Variants in GTF2A1L observed in about 807,000 individuals in gnomAD.
The protein encoded by GTF2A1L is general transcription factor IIA subunit 1 like.
In GTF2A1L, 48 loss-of-function variants were observed where a neutral mutation model predicts 49.7. The ratio of observed to expected loss-of-function variants is 0.97; its 90% CI spans 0.77 to 1.23. The LOEUF (loss-of-function observed/expected upper bound fraction) is 1.23. GTF2A1L is among the 50% of genes most tolerant of loss of function. The pLI, the probability that GTF2A1L is intolerant of heterozygous loss-of-function variation, is 0.00. For synonymous variants in GTF2A1L, 246 were observed against 193.5 expected, an observed-to-expected ratio of 1.27 and a Z score of -2.25; for missense variants, 736 against 564.8, an observed-to-expected ratio of 1.30 and a Z score of -3.07.
intron 8 of GTF2A1L, among the ~76,000 whole-genome samples, chr2:48,675,836 T>G (rs1363294874): frequency 6.6e-6 from 1 of 151,730 alleles, no homozygotes; most frequent in Non-Finnish European, 1.5e-5. Context: ...CAGAGAGAGA[T>G]ATGTATATAT....
intron 6 of GTF2A1L, among the ~76,000 whole-genome samples, chr2:48,655,532 T>G (rs1678121814): frequency 6.6e-6 from 1 of 152,038 alleles, no homozygotes. Flanking sequence ...ACTGAAAATT[T>G]CTAAGGCATT....
intron 6 of GTF2A1L, among the ~76,000 whole-genome samples, chr2:48,654,974 AT>A (rs1286363530): frequency 6.6e-6 from 1 of 152,198 alleles, no homozygotes; most frequent in Non-Finnish European, 1.5e-5. Context: ...TGTTTGGGCT[AT>A]TCTAATTCCT....
intron 6 of GTF2A1L, among the ~76,000 whole-genome samples, chr2:48,652,965 C>A (rs952733717): frequency 2.6e-5 from 4 of 151,832 alleles, no homozygotes; most frequent in Non-Finnish European, 5.9e-5. Flanking sequence ...CACGGTGGCT[C>A]ACGCCTGTAA....
At chr2:48,625,662 A>G (rs1233053469) in intron 3 of GTF2A1L, among the ~76,000 whole-genome samples, 1 of 143,076 alleles carries the variant, frequency 7.0e-6, no homozygotes, top group Non-Finnish European at 1.6e-5. Context: ...AGGTCACTGT[A>G]GCCTTGACTT....
In GTF2A1L at chr2:48,617,864, G is replaced by T. The variant is rs1484245971; in HGVS notation, c.-11G>T. The T allele has an allele frequency of 6.4e-7, 1 of 1,551,810 alleles. No individual in the cohort carries two copies. The highest frequency in any genetic ancestry group is 8.7e-7 in the Non-Finnish European group (1 of 1,147,026). On this transcript the variant is annotated 5_prime_UTR_variant, in exon 1 of 9. Transcript: ENST00000403751. ...CGCAGGCGCAAAGGGCCAGGTGCTGGAGGTGCTGTCATGGCCTGCCTCAAC... is the reference window on the plus strand; with the variant it reads ...CGCAGGCGCAAAGGGCCAGGTGCTGTAGGTGCTGTCATGGCCTGCCTCAAC...
chr2:48,640,724 A>T (rs1429170468), intron 3 of GTF2A1L, among the ~76,000 whole-genome samples: 3 of 152,210 alleles, frequency 2.0e-5, no homozygotes, highest in Non-Finnish European at 2.9e-5. Flanking sequence ...TCTAGAACAT[A>T]CACATGAAGA....
At position 48,646,929 on chromosome 2, in the gene GTF2A1L, C is replaced by T. The variant is rs753951317; in HGVS notation, c.865C>T (p.Gln289Ter). Residue 289 changes from glutamine to a stop codon, truncating the protein, a stop_gained, in exon 6 of 9, where the codon CAG (glutamine) becomes TAG (stop). Transcript: ENST00000403751. LOFTEE classifies it high-confidence loss of function. Reference protein sequence around the residue: ...LSTSPHGALHQHVTDIQLHIL... With the variant: ...LSTSPHGALH Reference sequence around the variant, plus strand: ...CACAAGCCCTCATGGGGCTCTCCACCAGCACGTGACTGATATTCAGCTTCA... The same window carrying T: ...CACAAGCCCTCATGGGGCTCTCCACTAGCACGTGACTGATATTCAGCTTCA... 29 of 1,614,146 alleles carry T rather than the reference C, an allele frequency of 1.8e-5. 1 individual carries two copies. The East Asian group carries it at 6.2e-4, about 35-fold the overall frequency.
rs1273025511 is a variant in GTF2A1L at position 48,646,501 on chromosome 2, G to A, written c.437G>A (p.Gly146Glu). Residue 146 changes from glycine (G) to glutamate (E), a missense_variant, in exon 6 of 9, where the codon GGA becomes GAA. Gly to Glu is a moderately conservative substitution (Grantham distance 98). Transcript: ENST00000403751. ...CCAATTATGGTGACAGAGACTTCTG[G>A]AAGAGCAGGTATTCTTCAGCATCCA... ...NVPIMVTETSGRAGILQHPIQ... is the reference protein window; with the variant it reads ...NVPIMVTETSERAGILQHPIQ... 3 of 1,613,540 alleles carry A rather than the reference G, an allele frequency of 1.9e-6. No individual in the cohort carries two copies. In the African/African-American group the frequency reaches 4.0e-5, roughly 22 times the overall value.
chr2:48,645,221 A>G, intron 5 of GTF2A1L, 104 bp downstream of exon 5: 1 of 1,024,896 alleles, frequency 9.8e-7, no homozygotes, highest in Non-Finnish European at 1.4e-6. Context: ...AAGTTATAAG[A>G]ACTTTTAATA....
In GTF2A1L at chr2:48,669,787, A is replaced by G; in HGVS notation, c.1044A>G (p.Gln348=). 2 of 1,614,004 alleles carry G rather than the reference A, an allele frequency of 1.2e-6. No homozygotes were observed. Among genetic ancestry groups the G allele is most frequent in the East Asian group, 2.2e-5 (1 of 44,834 alleles). ...VTDDDIGEII[Q]VDGSGDTSSN... is the part of the protein sequence containing the mutation. ...ATGATGATATTGGTGAAATAATTCA[A>G]GTAGATGGAAGCGGTGATACATCTT... Residue 348 remains glutamine, a synonymous_variant, in exon 7 of 9, where the codon CAA becomes CAG. Coordinates refer to ENST00000403751, the MANE Select transcript of GTF2A1L (RefSeq NM_006872.5).
chr2:48,644,639 T>A (rs1379828895), intron 4 of GTF2A1L, among the ~76,000 whole-genome samples: 1 of 152,228 alleles, frequency 6.6e-6, no homozygotes, highest in Non-Finnish European at 1.5e-5. Context: ...TGTACCAATA[T>A]ACATTCATAC....
Position 48,625,347 on chromosome 2 carries a change from T to G in GTF2A1L, c.247+4057T>G, listed in dbSNP as rs1009055259. 2.8e-5 allele frequency among the ~76,000 whole-genome samples: 4 copies of G among 144,142 alleles called. 1 individual carries two copies. The highest frequency in any genetic ancestry group is 9.9e-5 in the African/African-American group (4 of 40,520). The allele number at this position is 144,142 out of a possible 152,430, so 94.6% of individuals were successfully genotyped here. On this transcript the variant is annotated intron_variant, in intron 3 of 8. Transcript: ENST00000403751. ...CACCTTTTTGTATACCTGTTAGCTGTTTTTATGTTGTCTTTGGAAAAAGAT... is the reference window on the plus strand; with the variant it reads ...CACCTTTTTGTATACCTGTTAGCTGGTTTTATGTTGTCTTTGGAAAAAGAT...
intron 3 of GTF2A1L, among the ~76,000 whole-genome samples, chr2:48,638,358 C>T (rs1677018098): frequency 6.6e-6 from 1 of 152,138 alleles, no homozygotes; most frequent in Non-Finnish European, 1.5e-5. Context: ...TTTAGCAGCA[C>T]ATCAAAAAGC....
At chr2:48,639,382 G>C (rs539887642) in intron 3 of GTF2A1L, among the ~76,000 whole-genome samples, 73 of 152,138 alleles carry the variant, frequency 4.8e-4, no homozygotes, top group African/African-American at 1.7e-3. Flanking sequence ...TAGACAGCCA[G>C]GAAATAAGGC....
intron 3 of GTF2A1L, 127 bp from the exon 4 acceptor site, chr2:48,642,275 A>G (rs1677240115): frequency 5.7e-6 from 5 of 880,276 alleles, no homozygotes; most frequent in Non-Finnish European, 8.0e-6. Context: ...GGAATCAGGA[A>G]GTTTAGAATT....
At chr2:48,665,210 C>A (rs1038988237) in intron 6 of GTF2A1L, among the ~76,000 whole-genome samples, 1 of 152,042 alleles carries the variant, frequency 6.6e-6, no homozygotes, top group Non-Finnish European at 1.5e-5. Flanking sequence ...GTGCGAGCCA[C>A]CCTGCCTGGC....
chr2:48,648,584 A>G (rs1027606688), intron 6 of GTF2A1L, among the ~76,000 whole-genome samples: 4 of 152,120 alleles, frequency 2.6e-5, no homozygotes, highest in African/African-American at 9.6e-5. Flanking sequence ...ACTTGCAAGC[A>G]AACTATATAA....
intron 6 of GTF2A1L, among the ~76,000 whole-genome samples, chr2:48,662,454 A>C (rs890619418): frequency 4.6e-5 from 7 of 152,060 alleles, no homozygotes; most frequent in African/African-American, 1.4e-4. Flanking sequence ...ACTATAATGA[A>C]TTCCCTTGGT....
intron 6 of GTF2A1L, among the ~76,000 whole-genome samples, chr2:48,661,454 A>G (rs1319219931): frequency 6.6e-6 from 1 of 151,626 alleles, no homozygotes; most frequent in Non-Finnish European, 1.5e-5. Flanking sequence ...GGGTTTCACC[A>G]TATTGGCCAG....
Sources: gnomAD v4.1 joint callset for allele counts (sites outside exome capture counted in the v4.1 genomes callset) on GRCh38, gnomAD v4.1.1 for gene constraint, MANE v1.5 for transcripts, NCBI Gene and HGNC (gene_info 2026-07-23, HGNC 2026-07-21) for gene names.